The following IL13RA1 variants were observed in gnomAD, a reference collection of about 807,000 sequenced individuals.
The protein encoded by IL13RA1 is interleukin 13 receptor subunit alpha 1.
Under a neutral mutation model 33.8 loss-of-function variants are expected in IL13RA1, and 14 were observed. The observed-to-expected ratio is 0.41, with a 90% CI of 0.27 to 0.65. The LOEUF (loss-of-function observed/expected upper bound fraction) is 0.65, where lower values mean the gene tolerates loss of function less well. Among genes scored for constraint, IL13RA1 ranks in the 30% least tolerant of loss-of-function variants. IL13RA1 has a pLI of 0.28. For synonymous variants in IL13RA1, 116 were observed against 115.7 expected (o/e 1.00, Z -0.02); for missense variants, 313 against 327.0 (o/e 0.96, Z 0.33).
At chrX:118,791,010 A>G (rs1018719975) in intron 10 of IL13RA1, among the ~76,000 whole-genome samples, 2 of 112,113 alleles carry the variant, frequency 1.8e-5, no homozygotes, top group Admixed American at 1.9e-4. Flanking sequence ...ATATGAAACA[A>G]AGACCAGCAT....
chrX:118,741,830 G>A (rs188370516), intron 2 of IL13RA1, among the ~76,000 whole-genome samples: 1,390 of 110,594 alleles, frequency 0.013, 28 homozygotes, highest in African/African-American at 0.042. Context: ...GAGTGGGTTG[G>A]GTGTTTGGGG....
chrX:118,762,636 T>C (rs1158363073), intron 6 of IL13RA1, among the ~76,000 whole-genome samples: 2 of 111,531 alleles, frequency 1.8e-5, no homozygotes, highest in South Asian at 3.7e-4. Context: ...TGCTGAAATA[T>C]AATAATCATT....
chrX:118,799,909 GC>G, the IL13RA1 span, among the ~76,000 whole-genome samples: 1 of 87,267 alleles, frequency 1.1e-5, no homozygotes, highest in Non-Finnish European at 2.2e-5. Context: ...CTCTGGTGGG[GC>G]CTTGGAGAAC....
chrX:118,793,491 G>A lies in IL13RA1; in HGVS notation c.*1637G>A, dbSNP rs886173217. The A allele has an allele frequency of 9.0e-6, 1 of 111,075 alleles. No individual in the cohort carries two copies. Among genetic ancestry groups the A allele is most frequent in the South Asian group, 3.8e-4 (1 of 2,648 alleles). 9.2% of individuals were successfully genotyped at this position (111,075 alleles called of 1,213,427 possible). ...AAGGCTCTGTTTATGCTTTTGGGGGGCATATATTGGGTTCCATTCTCACCT... is the reference window on the plus strand; with the variant it reads ...AAGGCTCTGTTTATGCTTTTGGGGGACATATATTGGGTTCCATTCTCACCT... On this transcript the variant is annotated 3_prime_UTR_variant, in exon 11 of 11. Transcript: ENST00000371666.
chrX:118,786,667 C>A (rs1341948457), intron 10 of IL13RA1, among the ~76,000 whole-genome samples: 1 of 112,142 alleles, frequency 8.9e-6, no homozygotes, highest in Non-Finnish European at 1.9e-5. Context: ...CTGAAATCTC[C>A]TGGCCCTTTC....
intron 1 of IL13RA1, among the ~76,000 whole-genome samples, chrX:118,735,331 A>G (rs1175642918): frequency 9.1e-6 from 1 of 109,650 alleles, no homozygotes; most frequent in Non-Finnish European, 1.9e-5. Flanking sequence ...TCTAATCTTC[A>G]TTATTTCCTT....
chrX:118,745,441 A>G (rs2017393102), intron 2 of IL13RA1, among the ~76,000 whole-genome samples: 1 of 111,776 alleles, frequency 8.9e-6, no homozygotes, highest in African/African-American at 3.3e-5. Flanking sequence ...TCCAGGGCTG[A>G]CCAACTCCCT....
At chrX:118,746,843 C>A in intron 2 of IL13RA1, 111 bp from the exon 3 acceptor site, 1 of 540,667 alleles carries the variant, frequency 1.8e-6, no homozygotes, top group Non-Finnish European at 3.1e-6. Flanking sequence ...CTGATCTATA[C>A]CATTTGATAA....
chrX:118,775,847 G>A (rs999919333), intron 9 of IL13RA1, among the ~76,000 whole-genome samples: 1 of 111,649 alleles, frequency 9.0e-6, no homozygotes, highest in African/African-American at 3.3e-5. Context: ...AAGCGATTTT[G>A]TGCATGAATC....
intron 3 of IL13RA1, among the ~76,000 whole-genome samples, chrX:118,748,121 ATAT>A (rs2017430560): frequency 1.0e-5 from 1 of 100,080 alleles, no homozygotes; most frequent in Non-Finnish European, 2.0e-5. Context: ...AATATATATA[ATAT>A]TATATAATAT....
chrX:118,731,921 AATC>A (rs1006843986), intron 1 of IL13RA1, among the ~76,000 whole-genome samples: 1 of 112,188 alleles, frequency 8.9e-6, no homozygotes, highest in African/African-American at 3.2e-5. Context: ...CAAGTAGTAT[AATC>A]ATCACTTAAT....
At chrX:118,770,327 C>T (rs1012561960) in intron 8 of IL13RA1, 23 of 353,910 alleles carry the variant, frequency 6.5e-5, no homozygotes, top group Non-Finnish European at 1.1e-4. Flanking sequence ...GCCCGGCGAG[C>T]CCTACGTGGA....
chrX:118,736,746 A>G, intron 1 of IL13RA1, among the ~76,000 whole-genome samples: 1 of 112,114 alleles, frequency 8.9e-6, no homozygotes. Flanking sequence ...AGCTGGAACT[A>G]CAGATTCATG....
At chrX:118,779,426 T>C (rs2017818719) in intron 10 of IL13RA1, among the ~76,000 whole-genome samples, 1 of 111,757 alleles carries the variant, frequency 8.9e-6, no homozygotes, top group African/African-American at 3.3e-5. Context: ...AACAAAATAC[T>C]CAAAATACAG....
chrX:118,751,437 G>A (rs917813527), intron 4 of IL13RA1, among the ~76,000 whole-genome samples: 5 of 111,821 alleles, frequency 4.5e-5, no homozygotes, highest in African/African-American at 1.3e-4. Flanking sequence ...ATTAAATTAA[G>A]TAAGACAGTG....
At chrX:118,728,384 T>A (rs1440005890) in intron 1 of IL13RA1, among the ~76,000 whole-genome samples, 2 of 111,939 alleles carry the variant, frequency 1.8e-5, no homozygotes, top group Non-Finnish European at 3.8e-5. Context: ...CCCACCCCAC[T>A]CTCTTTAATA....
rs1034876834 is a variant in IL13RA1, at chrX:118,790,144, A to G, written c.1192-1618A>G. On this transcript the variant is annotated intron_variant, in intron 10 of 10. Transcript: ENST00000371666. ...TAAAAGTTATCTTGTAGTCCTTTGCAGTCAACCCCCTCTGTTAATCGCCTT... is the reference window on the plus strand; with the variant it reads ...TAAAAGTTATCTTGTAGTCCTTTGCGGTCAACCCCCTCTGTTAATCGCCTT... Among the ~76,000 whole-genome samples the G allele has an allele frequency of 4.5e-5, 5 of 112,020 alleles. No individual in the cohort carries two copies. In the Admixed American group the frequency reaches 4.7e-4, roughly 11 times the overall value.
chrX:118,760,671 A>G (rs1569456692), intron 5 of IL13RA1, among the ~76,000 whole-genome samples: 1 of 112,192 alleles, frequency 8.9e-6, no homozygotes, highest in Non-Finnish European at 1.9e-5. Context: ...TTCTAAAACT[A>G]TGTATCTGAT....
chrX:118,762,423 A>G (rs761528929), intron 6 of IL13RA1, among the ~76,000 whole-genome samples: 1 of 112,113 alleles, frequency 8.9e-6, no homozygotes, highest in South Asian at 3.7e-4. Context: ...AGTGTTTTAT[A>G]TTGGCTTTTA....
Sources: gnomAD v4.1 joint callset for allele counts (sites outside exome capture counted in the v4.1 genomes callset) on GRCh38, gnomAD v4.1.1 for gene constraint, MANE v1.5 for transcripts, NCBI Gene and HGNC (gene_info 2026-07-23, HGNC 2026-07-21) for gene names.